Variants in MARCKS observed in about 807,000 individuals in gnomAD.
MARCKS encodes myristoylated alanine-rich C-kinase substrate.
MARCKS carries 4 observed loss-of-function variants against 6.3 expected under a neutral mutation model. The ratio of observed to expected loss-of-function variants is 0.63; its 90% CI spans 0.31 to 1.45. The LOEUF is 1.45. Ranked by LOEUF, MARCKS falls within the 40% of genes most tolerant of loss-of-function variation. The pLI is 0.07. For missense variants in MARCKS, 636 were observed against 485.7 expected (o/e 1.31, Z -2.91); for synonymous variants, 289 against 236.5 (o/e 1.22, Z -2.04).
In MARCKS at chr6:113,859,853, C is replaced by T. The variant is rs1774855501; in HGVS notation, c.273C>T (p.Ala91=). The change falls in exon 2 of 2, where the codon GCC becomes GCT. Residue 91 remains alanine, a synonymous_variant. Coordinates refer to ENST00000612661, the MANE Select transcript of MARCKS (RefSeq NM_002356.7). ...SPSAAEKGEP[A]AAAAPEAGAS... ...CCGCGGCCGAGAAAGGTGAGCCGGC[C>T]GCCGCCGCTGCCCCCGAGGCCGGGG... 27 of 1,299,752 alleles carry T rather than the reference C, an allele frequency of 2.1e-5. No individual in the cohort carries two copies. The highest frequency in any genetic ancestry group is 4.2e-5 in the Admixed American group (1 of 24,048). 80.5% of individuals were successfully genotyped at this position (1,299,752 alleles called of 1,614,324 possible). A position where few individuals can be genotyped will look rare whatever the true frequency, so the allele number is the denominator to read the frequency against.
Position 113,860,518 on chromosome 6 carries a change from C to A in MARCKS, c.938C>A (p.Pro313His). The A allele has an allele frequency of 6.4e-7, 1 of 1,551,616 alleles. No individual in the cohort carries two copies. The change falls in exon 2 of 2, where the codon CCC becomes CAC. Residue 313 changes from proline (P) to histidine (H), a missense_variant. Coordinates refer to ENST00000612661, the MANE Select transcript of MARCKS (RefSeq NM_002356.7). ...AAAASSACAA[P>H]SQEAQPECSP... ...GCAGCCTCGTCAGCCTGCGCAGCCC[C>A]CTCACAGGAGGCCCAGCCCGAGTGC...
chr6:113,859,787 G>A lies in MARCKS; in HGVS notation c.207G>A (p.Lys69=). Reference sequence around the variant, plus strand: ...ACGGCAGCGCCCCGGCCGCCGACAAGGAGGAGCCCGCGGCCGCCGGGAGCG... The same window carrying A: ...ACGGCAGCGCCCCGGCCGCCGACAAAGAGGAGCCCGCGGCCGCCGGGAGCG... The part of the protein sequence containing the change: ...QANGSAPAAD[K]EEPAAAGSGA... Residue 69 remains lysine, a synonymous_variant, in exon 2 of 2, where the codon AAG becomes AAA. Transcript: ENST00000612661. 1 of 1,407,290 alleles carries A rather than the reference G, an allele frequency of 7.1e-7. No individual in the cohort carries two copies. The highest frequency in any genetic ancestry group is 1.5e-5 in the South Asian group (1 of 66,116). 87.2% of individuals were successfully genotyped at this position (1,407,290 alleles called of 1,614,324 possible).
chr6:113,859,738 G>C lies in MARCKS; in HGVS notation c.158G>C (p.Gly53Ala). 15 of 1,499,586 alleles carry C rather than the reference G, an allele frequency of 1.0e-5. No homozygotes were observed. The highest frequency in any genetic ancestry group is 1.3e-5 in the Non-Finnish European group (15 of 1,125,284). The allele number at this position is 1,499,586 out of a possible 1,614,324, so 92.9% of individuals were successfully genotyped here. ...GDASPAAAES[G>A]AKEELQANGS... The stretch of plus-strand genomic sequence containing the variant: ...GCTTCGCCCGCGGCCGCCGAGTCGG[G>C]CGCCAAGGAGGAGCTGCAGGCCAAC... Residue 53 changes from glycine to alanine, a missense_variant, in exon 2 of 2, where the codon GGC becomes GCC. Physicochemically the swap from Gly to Ala is moderately conservative, Grantham distance 60. Coordinates refer to ENST00000612661, the MANE Select transcript of MARCKS (RefSeq NM_002356.7).
At position 113,859,748 on chromosome 6, in the gene MARCKS, G is replaced by A. The variant is rs549939916; in HGVS notation, c.168G>A (p.Glu56=). 5.5e-5 allele frequency: 83 copies of A among 1,496,856 alleles called. No homozygotes were observed. In the East Asian group the frequency reaches 2.1e-3, roughly 38 times the overall value. 92.7% of individuals were successfully genotyped at this position (1,496,856 alleles called of 1,614,324 possible). A position where few individuals can be genotyped will look rare whatever the true frequency, so the allele number is the denominator to read the frequency against. ...SPAAAESGAK[E]ELQANGSAPA... ...CGGCCGCCGAGTCGGGCGCCAAGGA[G>A]GAGCTGCAGGCCAACGGCAGCGCCC... The change falls in exon 2 of 2, where the codon GAG becomes GAA. Residue 56 remains glutamate (E), a synonymous_variant. Coordinates refer to ENST00000612661, the MANE Select transcript of MARCKS (RefSeq NM_002356.7).
chr6:113,860,415 T>C lies in MARCKS; in HGVS notation c.835T>C (p.Cys279Arg). 2 of 1,147,518 alleles carry C rather than the reference T, an allele frequency of 1.7e-6. No homozygotes were observed. The highest frequency in any genetic ancestry group is 2.6e-5 in the South Asian group (1 of 38,720). 71.1% of individuals were successfully genotyped at this position (1,147,518 alleles called of 1,614,324 possible). The change falls in exon 2 of 2, where the codon TGC (cysteine) becomes CGC (arginine). Residue 279 changes from cysteine to arginine, a missense_variant. Transcript: ENST00000612661. ...GGAGGCCGGGGCCAGCGCCGCCGCC[T>C]GCGAGGCCCCCTCCGCCGCCGGGCC... ...AEEAGASAAA[C>R]EAPSAAGPGA...
At chr6:113,859,651 T>A in intron 1 of MARCKS, 32 bp from the exon 2 acceptor site, 2 of 1,456,916 alleles carry the variant, frequency 1.4e-6, no homozygotes, top group Non-Finnish European at 1.8e-6. Context: ...CCCGGCCGCT[T>A]CAGTGACGCT....
rs766931993 is a variant in MARCKS at position 113,859,469 on chromosome 6, T to TG, written c.103-214_103-213insG. ...GTACTTGGGGGCTACAGTTGTGTTT[T>TG]CGGGGGGTCTCCAGGCAGCGGTGCC... On this transcript the variant is annotated intron_variant, in intron 1 of 1. Coordinates refer to ENST00000612661, the MANE Select transcript of MARCKS (RefSeq NM_002356.7). Among the ~76,000 whole-genome samples, 582 of 152,010 alleles carry TG rather than the reference T, an allele frequency of 3.8e-3. 2 individuals carry two copies. The highest frequency in any genetic ancestry group is 0.01 in the Middle Eastern group (3 of 294).
chr6:113,858,385 G>A (rs1394637300), intron 1 of MARCKS, among the ~76,000 whole-genome samples: 2 of 151,882 alleles, frequency 1.3e-5, no homozygotes, highest in East Asian at 1.9e-4. Context: ...AAAGGTGGCT[G>A]GCTGGGGCCA....
At chr6:113,858,402 G>A (rs1489768239) in intron 1 of MARCKS, among the ~76,000 whole-genome samples, 1 of 152,060 alleles carries the variant, frequency 6.6e-6, no homozygotes, top group Non-Finnish European at 1.5e-5. Flanking sequence ...GCCAGACAGA[G>A]GGCTTCGGTA....
chr6:113,862,685 C>T lies in MARCKS; in HGVS notation c.*2106C>T, dbSNP rs972458310. The T allele has an allele frequency of 6.6e-6, 1 of 152,070 alleles. No individual in the cohort carries two copies. The highest frequency in any genetic ancestry group is 2.4e-5 in the African/African-American group (1 of 41,438). 9.4% of individuals were successfully genotyped at this position (152,070 alleles called of 1,614,324 possible). ...GGGTTCATGATAAATCATTGAACCA[C>T]ATGTGTAACAACTGAATGCCAAATC... is the stretch of plus-strand genomic sequence containing the variant. On this transcript the variant is annotated 3_prime_UTR_variant, in exon 2 of 2. Coordinates refer to ENST00000612661, the MANE Select transcript of MARCKS (RefSeq NM_002356.7).
At chr6:113,858,271 G>T (rs924068599) in intron 1 of MARCKS, among the ~76,000 whole-genome samples, 1 of 151,892 alleles carries the variant, frequency 6.6e-6, no homozygotes, top group Non-Finnish European at 1.5e-5. Flanking sequence ...TGTGGCGGGG[G>T]GGGGAGTCGG....
intron 1 of MARCKS, among the ~76,000 whole-genome samples, chr6:113,858,517 C>T (rs996437619): frequency 1.3e-5 from 2 of 152,204 alleles, no homozygotes; most frequent in African/African-American, 4.8e-5. Flanking sequence ...TGGGAACACT[C>T]GGTGGGTCCT....
rs1435825859 is a variant in MARCKS at position 113,861,433 on chromosome 6, A to T, written c.*854A>T. The T allele has an allele frequency of 6.6e-6, 1 of 152,638 alleles. No individual in the cohort carries two copies. Among genetic ancestry groups the T allele is most frequent in the Non-Finnish European group, 1.5e-5 (1 of 68,024 alleles). 9.5% of individuals were successfully genotyped at this position (152,638 alleles called of 1,614,324 possible). ...ATATCCAGAAGCACATGAAGTTTGC[A>T]ACTTTCCACCCTGCCCATTTTTGTA... On this transcript the variant is annotated 3_prime_UTR_variant, in exon 2 of 2. Transcript: ENST00000612661.
At position 113,860,723 on chromosome 6, in the gene MARCKS, G is replaced by T; in HGVS notation, c.*144G>T. 1.9e-6 allele frequency: 1 copy of T among 535,830 alleles called. No homozygotes were observed. The highest frequency in any genetic ancestry group is 3.0e-6 in the Non-Finnish European group (1 of 336,210). The allele number at this position is 535,830 out of a possible 1,614,324, so 33.2% of individuals were successfully genotyped here. On this transcript the variant is annotated 3_prime_UTR_variant, in exon 2 of 2. Coordinates refer to ENST00000612661, the MANE Select transcript of MARCKS (RefSeq NM_002356.7). ...CTTTTTTTATTTTACTTTTTTTTAA[G>T]CACCAAATTTTGTTGTTTTTTTTTT...
chr6:113,857,715 T>A lies in MARCKS; in HGVS notation c.-31T>A. On this transcript the variant is annotated 5_prime_UTR_variant, in exon 1 of 2. Transcript: ENST00000612661. The stretch of plus-strand genomic sequence containing the variant: ...GAGGCTCTTTGTTTCCCCTCTTGGA[T>A]CTGTTGAGTTTCTTTGTTGAAGAAG... 1 of 1,530,192 alleles carries A rather than the reference T, an allele frequency of 6.5e-7. No homozygotes were observed. The highest frequency in any genetic ancestry group is 8.9e-7 in the Non-Finnish European group (1 of 1,123,196). 94.8% of individuals were successfully genotyped at this position (1,530,192 alleles called of 1,614,324 possible). A position where few individuals can be genotyped will look rare whatever the true frequency, so the allele number is the denominator to read the frequency against.
At chr6:113,859,571 G>C (rs888609279) in intron 1 of MARCKS, 112 bp from the exon 2 acceptor site, 39 of 968,056 alleles carry the variant, frequency 4.0e-5, no homozygotes, top group Non-Finnish European at 5.4e-5. Flanking sequence ...GTGGGGTCTC[G>C]ATGGCCACAG....
In MARCKS at chr6:113,860,680, G is replaced by A; in HGVS notation, c.*101G>A. 1 of 817,968 alleles carries A rather than the reference G, an allele frequency of 1.2e-6. No homozygotes were observed. Among genetic ancestry groups the A allele is most frequent in the Non-Finnish European group, 1.7e-6 (1 of 576,628 alleles). 50.7% of individuals were successfully genotyped at this position (817,968 alleles called of 1,614,324 possible). ...TTTGGAGAACTTGTCTACAACCAGG[G>A]ATTGATTTTAAAGATGTCTTTTTTT... On this transcript the variant is annotated 3_prime_UTR_variant, in exon 2 of 2. Coordinates refer to ENST00000612661, the MANE Select transcript of MARCKS (RefSeq NM_002356.7).
intron 1 of MARCKS, among the ~76,000 whole-genome samples, chr6:113,859,149 G>C (rs1223559164): frequency 6.6e-6 from 1 of 152,188 alleles, no homozygotes; most frequent in Non-Finnish European, 1.5e-5. Context: ...GCAGGAGCTC[G>C]GAGGGCCCCG....
At position 113,860,256 on chromosome 6, in the gene MARCKS, G is replaced by A; in HGVS notation, c.676G>A (p.Glu226Lys). 8.9e-7 allele frequency: 1 copy of A among 1,125,064 alleles called. No individual in the cohort carries two copies. Among genetic ancestry groups the A allele is most frequent in the African/African-American group, 1.7e-5 (1 of 58,490 alleles). 69.7% of individuals were successfully genotyped at this position (1,125,064 alleles called of 1,614,324 possible). ...AAPGEEAAAG[E>K]EGAAGGDPQE... ...GCCGGGCGAGGAGGCGGCAGCGGGC[G>A]AGGAGGGGGCGGCGGGTGGCGACCC... The change falls in exon 2 of 2, where the codon GAG becomes AAG. Residue 226 changes from glutamate to lysine, a missense_variant. By Grantham distance (56) the Glu-to-Lys change is moderately conservative. Coordinates refer to ENST00000612661, the MANE Select transcript of MARCKS (RefSeq NM_002356.7).
Sources: gnomAD v4.1 joint callset for allele counts (sites outside exome capture counted in the v4.1 genomes callset) on GRCh38, gnomAD v4.1.1 for gene constraint, MANE v1.5 for transcripts, NCBI Gene and HGNC (gene_info 2026-07-23, HGNC 2026-07-21) for gene names.